CARD19: variants seen among roughly 807,000 people sequenced by gnomAD.
CARD19 encodes caspase recruitment domain family member 19, also known as caspase recruitment domain-containing protein 19.
CARD19 carries 25 observed loss-of-function variants against 24.1 expected under a neutral mutation model. That is an observed-to-expected ratio of 1.04 (90% confidence interval 0.76 to 1.45). The LOEUF is 1.45. Among genes scored for constraint, CARD19 ranks in the 40% most tolerant of loss-of-function variants. CARD19 has a pLI of 0.00. For synonymous variants in CARD19, 103 were observed against 104.9 expected (o/e 0.98, Z 0.11); for missense variants, 241 against 247.4 (o/e 0.97, Z 0.17).
intron 1 of CARD19, among the ~76,000 whole-genome samples, chr9:93,104,590 C>T (rs1044098606): frequency 6.6e-6 from 1 of 152,116 alleles, no homozygotes; most frequent in Non-Finnish European, 1.5e-5. Context: ...GCTATCTGGT[C>T]CTGAGCTTTT....
At chr9:93,112,475 C>T (rs1827538221) in intron 5 of CARD19, among the ~76,000 whole-genome samples, 186 bp downstream of exon 5, 1 of 152,248 alleles carries the variant, frequency 6.6e-6, no homozygotes, top group African/African-American at 2.4e-5. Flanking sequence ...TCCCAGCGTC[C>T]ACTGGCCCCT....
chr9:93,100,655 G>A (rs1014588200), intron 1 of CARD19, among the ~76,000 whole-genome samples: 12 of 152,066 alleles, frequency 7.9e-5, no homozygotes, highest in African/African-American at 2.9e-4. Context: ...ATCACCACTG[G>A]CCATTTCCAG....
chr9:93,101,672 G>T (rs1827089948), intron 1 of CARD19, among the ~76,000 whole-genome samples: 1 of 150,976 alleles, frequency 6.6e-6, no homozygotes, highest in African/African-American at 2.4e-5. Context: ...TCTCCTGACT[G>T]CATGATCTGC....
intron 1 of CARD19, among the ~76,000 whole-genome samples, chr9:93,101,903 A>T (rs1250384586): frequency 1.3e-5 from 2 of 152,036 alleles, no homozygotes; most frequent in Admixed American, 6.6e-5. Context: ...AATGAGTACG[A>T]AGTGATATCT....
At chr9:93,107,647 C>T in intron 1 of CARD19, 27 bp from the exon 2 acceptor site, 1 of 1,613,704 alleles carries the variant, frequency 6.2e-7, no homozygotes, top group South Asian at 1.1e-5. Flanking sequence ...GCTGTGCTGG[C>T]TCATGACCCT....
intron 1 of CARD19, among the ~76,000 whole-genome samples, chr9:93,101,412 C>T (rs1033770130): frequency 4.7e-5 from 7 of 149,992 alleles, no homozygotes; most frequent in African/African-American, 1.7e-4. Flanking sequence ...GGGTACATAC[C>T]TAGAAGTAGA....
At chr9:93,110,544 C>A in intron 2 of CARD19, 24 bp from the exon 3 acceptor site, 1 of 1,568,882 alleles carries the variant, frequency 6.4e-7, no homozygotes, top group South Asian at 1.2e-5. Flanking sequence ...CCTGATCTTC[C>A]CTGGCACCCC....
chr9:93,112,978 C>A lies in CARD19; in HGVS notation c.437-14C>A. The A allele has an allele frequency of 6.3e-7, 1 of 1,588,516 alleles. No homozygotes were observed. ...ACTGGTTCTTGAGCTTTTGCCTCCC[C>A]TTTTGTCTTCTAGACCCCAAGGGCC... is the stretch of plus-strand genomic sequence containing the variant. On this transcript the variant is annotated splice_polypyrimidine_tract_variant and intron_variant, in intron 5 of 5. Transcript: ENST00000375464.
At chr9:93,111,986 T>C (rs1178462372) in intron 4 of CARD19, 48 bp downstream of exon 4, 2 of 1,580,830 alleles carry the variant, frequency 1.3e-6, no homozygotes, top group Admixed American at 3.6e-5. Flanking sequence ...TCTCTCCCTC[T>C]CTCTTTACCC....
chr9:93,103,540 T>C (rs993308709), intron 1 of CARD19, among the ~76,000 whole-genome samples: 1 of 152,264 alleles, frequency 6.6e-6, no homozygotes, highest in Non-Finnish European at 1.5e-5. Flanking sequence ...TATCTGCTGT[T>C]GATTTAATCC....
chr9:93,113,095 A>G lies in CARD19; in HGVS notation c.540A>G (p.Leu180=). ...TGCTGGCCTTCCTGGCAGATGACCTAGGGGGGCTCTGACAGACCCTGGACC... is the reference window on the plus strand; with the variant it reads ...TGCTGGCCTTCCTGGCAGATGACCTGGGGGGGCTCTGACAGACCCTGGACC... ...RYLLAFLADD[L]GGL The change falls in exon 6 of 6, where the codon CTA becomes CTG. Residue 180 remains leucine, a synonymous_variant. Transcript: ENST00000375464. The G allele has an allele frequency of 1.9e-6, 3 of 1,575,030 alleles. No individual in the cohort carries two copies. The highest frequency in any genetic ancestry group is 2.6e-6 in the Non-Finnish European group (3 of 1,159,336).
At chr9:93,100,414 A>G (rs1306685878) in intron 1 of CARD19, among the ~76,000 whole-genome samples, 3 of 152,178 alleles carry the variant, frequency 2.0e-5, no homozygotes, top group Admixed American at 6.5e-5. Flanking sequence ...AGGTTAAACG[A>G]TTCACCTGCC....
chr9:93,096,313 C>G lies in CARD19; in HGVS notation c.-33C>G, dbSNP rs1826855169. On this transcript the variant is annotated 5_prime_UTR_variant, in exon 1 of 6. Coordinates refer to ENST00000375464, the MANE Select transcript of CARD19 (RefSeq NM_032310.5). This position sits in a 1 kb window ranked among gnomAD's most constrained non-coding sequence, Gnocchi z 5.4. ...GGCGGACGCGCGGCGGGGCAGACCG[C>G]TGGGGACTGCGGGCGGCGCTGTGTC... 2.4e-6 allele frequency: 3 copies of G among 1,225,334 alleles called. No individual in the cohort carries two copies. The highest frequency in any genetic ancestry group is 3.0e-6 in the Non-Finnish European group (3 of 983,766). 75.9% of individuals were successfully genotyped at this position (1,225,334 alleles called of 1,614,324 possible).
In CARD19 at chr9:93,096,441, G is replaced by A. The variant is rs1826862286; in HGVS notation, c.7+89G>A. ...GGTCCGGCTGCCTTGCGAGTCGCCT[G>A]CAGGCCGCGCCTGGGCAGCGGGGGC... On this transcript the variant is annotated intron_variant, in intron 1 of 5. Transcript: ENST00000375464. This position sits in a 1 kb window ranked among gnomAD's most constrained non-coding sequence, Gnocchi z 5.4. The A allele has an allele frequency of 8.6e-7, 1 of 1,158,502 alleles. No homozygotes were observed. Among genetic ancestry groups the A allele is most frequent in the Admixed American group, 4.3e-5 (1 of 23,236 alleles). 71.8% of individuals were successfully genotyped at this position (1,158,502 alleles called of 1,614,324 possible).
intron 1 of CARD19, among the ~76,000 whole-genome samples, chr9:93,102,396 T>C (rs1051234471): frequency 6.6e-6 from 1 of 152,220 alleles, no homozygotes; most frequent in African/African-American, 2.4e-5. Context: ...GTTGTAGGAG[T>C]TCTTTATGGA....
At chr9:93,098,834 C>T (rs544932494) in intron 1 of CARD19, among the ~76,000 whole-genome samples, 1 of 151,394 alleles carries the variant, frequency 6.6e-6, no homozygotes, top group African/African-American at 2.4e-5. Context: ...GAAGCCACTA[C>T]AGGATGCTGG....
chr9:93,100,377 C>T (rs1307835833), intron 1 of CARD19, among the ~76,000 whole-genome samples: 1 of 152,236 alleles, frequency 6.6e-6, no homozygotes, highest in Non-Finnish European at 1.5e-5. Context: ...GTGGCGCACT[C>T]TCGGCTCACT....
At chr9:93,103,918 T>G (rs746894548) in intron 1 of CARD19, among the ~76,000 whole-genome samples, 1 of 152,238 alleles carries the variant, frequency 6.6e-6, no homozygotes, top group Non-Finnish European at 1.5e-5. Flanking sequence ...TTAGGTTCTA[T>G]CTCTCAGTAC....
At position 93,100,814 on chromosome 9, in the gene CARD19, A is replaced by G. The variant is rs1827049967; in HGVS notation, c.7+4462A>G. 2.0e-5 allele frequency among the ~76,000 whole-genome samples: 3 copies of G among 152,216 alleles called. No homozygotes were observed. The South Asian group carries it at 6.2e-4, about 31-fold the overall frequency. Reference sequence around the variant, plus strand: ...AAGTACTTCATATAATTGGAATCATATAATATTTGTCCGTTTGTGCCTTGT... The same window carrying G: ...AAGTACTTCATATAATTGGAATCATGTAATATTTGTCCGTTTGTGCCTTGT... On this transcript the variant is annotated intron_variant, in intron 1 of 5. Coordinates refer to ENST00000375464, the MANE Select transcript of CARD19 (RefSeq NM_032310.5).
Sources: gnomAD v4.1 joint callset for allele counts (sites outside exome capture counted in the v4.1 genomes callset) on GRCh38, gnomAD v4.1.1 for gene constraint, Gnocchi (gnomAD v3.1) non-coding constraint, MANE v1.5 for transcripts, NCBI Gene and HGNC (gene_info 2026-07-23, HGNC 2026-07-21) for gene names.